Variants in WDR41 observed in about 807,000 individuals in gnomAD.
WDR41 encodes WD repeat-containing protein 41.
A neutral mutation model predicts 69.3 loss-of-function variants in WDR41; 63 were observed. The observed-to-expected ratio is 0.91, with a 90% CI of 0.74 to 1.12. WDR41 has a LOEUF of 1.12. WDR41 is among the 50% of genes most tolerant of loss of function. The pLI is 0.00. For synonymous variants in WDR41, 185 were observed against 192.1 expected, an observed-to-expected ratio of 0.96 and a Z score of 0.31; for missense variants, 543 against 534.5, an observed-to-expected ratio of 1.02 and a Z score of -0.16.
chr5:77,453,614 G>C (rs1799709139), intron 6 of WDR41, among the ~76,000 whole-genome samples: 1 of 152,140 alleles, frequency 6.6e-6, no homozygotes, highest in South Asian at 2.1e-4. Flanking sequence ...TTGTTCCTGA[G>C]TGGAGTCTTC....
At chr5:77,523,552 A>G (rs1802403939) in intron 1 of WDR41, among the ~76,000 whole-genome samples, 1 of 151,704 alleles carries the variant, frequency 6.6e-6, no homozygotes, top group South Asian at 2.1e-4. Context: ...CTAGTGCCAC[A>G]CCTATAGTGC....
At chr5:77,576,132 C>G (rs1398168716) in intron 1 of WDR41, among the ~76,000 whole-genome samples, 1 of 152,146 alleles carries the variant, frequency 6.6e-6, no homozygotes, top group East Asian at 1.9e-4. Context: ...TGCGATATGA[C>G]AAAACGCACC....
intron 1 of WDR41, among the ~76,000 whole-genome samples, chr5:77,617,706 A>G (rs1013078019): frequency 3.3e-5 from 5 of 152,230 alleles, no homozygotes; most frequent in Non-Finnish European, 7.3e-5. Context: ...AAAGGATTGA[A>G]AGGGAACATA....
intron 1 of WDR41, among the ~76,000 whole-genome samples, chr5:77,532,990 T>C (rs1397972713): frequency 2.6e-5 from 4 of 151,816 alleles, no homozygotes; most frequent in Admixed American, 6.6e-5. Context: ...GTTATGTACT[T>C]CCTTGCATGT....
At position 77,450,679 on chromosome 5, in the gene WDR41, CTGAG is replaced by C. The variant is rs1174477723; in HGVS notation, c.586+608_586+611del. ...TATAAACAGGCTTACCGTCAATGTA[CTGAG>C]TGTTTTAAAAATACACCACTGGACC... On this transcript the variant is annotated intron_variant, in intron 7 of 12. Coordinates refer to ENST00000296679, the MANE Select transcript of WDR41 (RefSeq NM_018268.4). Among the ~76,000 whole-genome samples, 4 of 152,278 alleles carry C rather than the reference CTGAG, an allele frequency of 2.6e-5. No individual in the cohort carries two copies. In the East Asian group the frequency reaches 7.7e-4, roughly 29 times the overall value.
At chr5:77,458,216 C>T (rs1471281669) in intron 5 of WDR41, among the ~76,000 whole-genome samples, 1 of 152,068 alleles carries the variant, frequency 6.6e-6, no homozygotes. Flanking sequence ...TAGTACATGG[C>T]ACTTTCTTCC....
At chr5:77,568,142 G>C (rs1280934273) in intron 1 of WDR41, among the ~76,000 whole-genome samples, 2 of 152,110 alleles carry the variant, frequency 1.3e-5, no homozygotes, top group Non-Finnish European at 2.9e-5. Context: ...GCTTTAAGAT[G>C]TAGCCTTGAG....
At chr5:77,611,785 T>C (rs1203198380) in intron 1 of WDR41, among the ~76,000 whole-genome samples, 2 of 150,700 alleles carry the variant, frequency 1.3e-5, no homozygotes, top group African/African-American at 4.9e-5. Context: ...AAGAAATAAC[T>C]AAAATCAGAG....
intron 1 of WDR41, among the ~76,000 whole-genome samples, chr5:77,597,604 C>G (rs903848640): frequency 6.6e-6 from 1 of 152,120 alleles, no homozygotes; most frequent in African/African-American, 2.4e-5. Flanking sequence ...TATCATATAC[C>G]TCTTTACGTA....
chr5:77,507,121 G>T (rs1802121305), intron 1 of WDR41, among the ~76,000 whole-genome samples: 1 of 152,210 alleles, frequency 6.6e-6, no homozygotes, highest in African/African-American at 2.4e-5. Context: ...GGGAGCACAT[G>T]TAAATTAGTA....
chr5:77,436,758 T>C (rs1798951081), intron 11 of WDR41, among the ~76,000 whole-genome samples: 1 of 152,182 alleles, frequency 6.6e-6, no homozygotes, highest in Non-Finnish European at 1.5e-5. Context: ...TGTATATGTA[T>C]GTGCAAAAGC....
intron 1 of WDR41, among the ~76,000 whole-genome samples, chr5:77,520,332 G>C (rs979269163): frequency 3.3e-5 from 5 of 152,074 alleles, no homozygotes; most frequent in Non-Finnish European, 5.9e-5. Flanking sequence ...TGTATCTAAA[G>C]ATCTTTAAGA....
At position 77,437,158 on chromosome 5, in the gene WDR41, G is replaced by A. The variant is rs369574401; in HGVS notation, c.1093+178C>T. Among the ~76,000 whole-genome samples, 16 of 152,232 alleles carry A rather than the reference G, an allele frequency of 1.1e-4. No individual in the cohort carries two copies. The South Asian group carries it at 1.2e-3, about 12-fold the overall frequency. ...GAAATGAAGTGGCAGTTCTACATTA[G>A]GGCAGTATTAAGCTGTAAATCCTAG... On this transcript the variant is annotated intron_variant, in intron 11 of 12. Transcript: ENST00000296679.
At chr5:77,521,747 T>G (rs1255777397) in intron 1 of WDR41, among the ~76,000 whole-genome samples, 1 of 152,196 alleles carries the variant, frequency 6.6e-6, no homozygotes, top group Non-Finnish European at 1.5e-5. Flanking sequence ...AATCACACAT[T>G]TTACTGCAGA....
In WDR41 at chr5:77,441,987, A is replaced by C. The variant is rs534878177; in HGVS notation, c.698-990T>G. ...ATCAAAGAAATCTAAAAACAAGGAG[A>C]TACCATTTATTGACTTGTGAATCAG... On this transcript the variant is annotated intron_variant, in intron 8 of 12. Coordinates refer to ENST00000296679, the MANE Select transcript of WDR41 (RefSeq NM_018268.4). 2.2e-4 allele frequency among the ~76,000 whole-genome samples: 34 copies of C among 152,328 alleles called. No individual in the cohort carries two copies. The South Asian group carries it at 6.2e-3, about 28-fold the overall frequency.
chr5:77,598,008 A>T (rs1268296211), intron 1 of WDR41, among the ~76,000 whole-genome samples: 8 of 152,210 alleles, frequency 5.3e-5, no homozygotes, highest in African/African-American at 1.9e-4. Flanking sequence ...CAGTGACTTA[A>T]CCTCTCAGAT....
In WDR41 at chr5:77,525,927, C is replaced by T. The variant is rs6877456; in HGVS notation, c.43-36355G>A. ...CTTGTGCCCATTCCACTGCAACACA[C>T]GCCAGCACCACCCTTAGCATTCTGT... On this transcript the variant is annotated intron_variant, in intron 1 of 5. Coordinates refer to the WDR41 transcript ENST00000509971. 4.9e-3 allele frequency among the ~76,000 whole-genome samples: 753 copies of T among 152,270 alleles called. 1 individual carries two copies. The highest frequency in any genetic ancestry group is 0.017 in the African/African-American group (697 of 41,550).
rs1170607960 is a variant in WDR41 at position 77,599,190 on chromosome 5, G to A, written c.42+21289C>T. On this transcript the variant is annotated intron_variant, in intron 1 of 5. Coordinates refer to the WDR41 transcript ENST00000509971. ...TTACAATGGTTATCTCTTGCTAATC[G>A]GAAGCTCTTTTTTTTTTTTTTTTTT... Among the ~76,000 whole-genome samples, 8 of 143,892 alleles carry A rather than the reference G, an allele frequency of 5.6e-5. No homozygotes were observed. In the South Asian group the frequency reaches 1.5e-3, roughly 28 times the overall value. 94.4% of individuals were successfully genotyped at this position (143,892 alleles called of 152,430 possible). A position where few individuals can be genotyped will look rare whatever the true frequency, so the allele number is the denominator to read the frequency against.
chr5:77,570,602 A>T (rs564631997), intron 1 of WDR41, among the ~76,000 whole-genome samples: 319 of 150,878 alleles, frequency 2.1e-3, no homozygotes, highest in Non-Finnish European at 2.6e-3. Context: ...AGCCATTTTT[A>T]AAAAAATGTA....
Sources: allele counts gnomAD v4.1 joint callset (sites outside exome capture counted in the v4.1 genomes callset), GRCh38; gene constraint gnomAD v4.1.1; transcripts MANE v1.5; gene names NCBI Gene and HGNC (gene_info 2026-07-23, HGNC 2026-07-21).